Variants in FMN2 observed in about 807,000 individuals in gnomAD.
FMN2 encodes the protein formin 2, also known as formin-2.
Under a neutral mutation model 142.3 loss-of-function variants are expected in FMN2, and 51 were observed. The ratio of observed to expected loss-of-function variants is 0.36; its 90% CI spans 0.29 to 0.45. The LOEUF is 0.45. FMN2 is among the 20% of genes least tolerant of loss of function. The pLI is 1.00. For synonymous variants in FMN2, 882 were observed against 869.8 expected, an observed-to-expected ratio of 1.01 and a Z score of -0.25; for missense variants, 1,936 against 2,122.8, an observed-to-expected ratio of 0.91 and a Z score of 1.73.
intron 11 of FMN2, among the ~76,000 whole-genome samples, chr1:240,333,348 T>C (rs1184649577): frequency 6.6e-6 from 1 of 152,120 alleles, no homozygotes; most frequent in Non-Finnish European, 1.5e-5. Context: ...AATTATAATA[T>C]TGGAATTGTT....
Position 240,093,133 on chromosome 1 carries a change from G to T in FMN2, c.1024G>T (p.Ala342Ser), listed in dbSNP as rs1204292566. 42 of 1,410,074 alleles carry T rather than the reference G, an allele frequency of 3.0e-5. No individual in the cohort carries two copies. The highest frequency in any genetic ancestry group is 3.3e-5 in the Non-Finnish European group (36 of 1,090,798). 87.3% of individuals were successfully genotyped at this position (1,410,074 alleles called of 1,614,324 possible). A position where few individuals can be genotyped will look rare whatever the true frequency, so the allele number is the denominator to read the frequency against. The change falls in exon 1 of 18, where the codon GCT becomes TCT. Residue 342 changes from alanine (A) to serine (S), a missense_variant. Coordinates refer to ENST00000319653, the MANE Select transcript of FMN2 (RefSeq NM_020066.5). ...EEAAGAPVRG[A>S]GDTDEEGEED... ...AGCGGCCGGAGCCCCCGTGCGAGGG[G>T]CTGGGGACACGGATGAGGAGGGTGA...
At chr1:240,141,340 G>A (rs183107488) in intron 2 of FMN2, among the ~76,000 whole-genome samples, 13 of 132,198 alleles carry the variant, frequency 9.8e-5, no homozygotes, top group Non-Finnish European at 2.0e-4. Flanking sequence ...AACAGGCAAC[G>A]GTATTTTATT....
chr1:240,130,204 T>C (rs1265476657), intron 2 of FMN2, among the ~76,000 whole-genome samples: 1 of 152,242 alleles, frequency 6.6e-6, no homozygotes, highest in African/African-American at 2.4e-5. Flanking sequence ...AGATATATTC[T>C]GATTTTGCTT....
chr1:240,113,714 A>G (rs1023626079), intron 1 of FMN2, among the ~76,000 whole-genome samples: 1 of 152,150 alleles, frequency 6.6e-6, no homozygotes, highest in Non-Finnish European at 1.5e-5. Context: ...ATAAAAGTTC[A>G]TGTCTCTGTC....
At chr1:240,205,891 CTTTTTTT>C (rs57803350) in intron 4 of FMN2, among the ~76,000 whole-genome samples, 31,793 of 120,314 alleles carry the variant, frequency 0.26, 3,524 homozygotes, top group Middle Eastern at 0.45. Context: ...TATCAGCCAT[CTTTTTTT>C]TTTTTTTTTT....
intron 8 of FMN2, among the ~76,000 whole-genome samples, chr1:240,322,783 A>G (rs1671018494): frequency 6.6e-6 from 1 of 152,146 alleles, no homozygotes; most frequent in Non-Finnish European, 1.5e-5. Flanking sequence ...TGTGGCTGGC[A>G]CACACGTTCC....
chr1:240,298,571 T>C (rs1418110650), intron 8 of FMN2, among the ~76,000 whole-genome samples: 1 of 152,196 alleles, frequency 6.6e-6, no homozygotes, highest in African/African-American at 2.4e-5. Flanking sequence ...CAAGCATTAC[T>C]GCCTGAGCTC....
intron 15 of FMN2, among the ~76,000 whole-genome samples, chr1:240,412,014 A>G (rs1674412884): frequency 6.6e-6 from 1 of 152,190 alleles, no homozygotes; most frequent in Non-Finnish European, 1.5e-5. Flanking sequence ...TGATCACCTT[A>G]GGAGATGGTG....
At chr1:240,195,665 C>A (rs1326841673) in intron 4 of FMN2, among the ~76,000 whole-genome samples, 8 of 152,174 alleles carry the variant, frequency 5.3e-5, no homozygotes, top group Non-Finnish European at 1.2e-4. Flanking sequence ...TTGATGTTCA[C>A]AAAGACTTTA....
At chr1:240,387,814 G>A (rs546420597) in intron 14 of FMN2, among the ~76,000 whole-genome samples, 1 of 152,230 alleles carries the variant, frequency 6.6e-6, no homozygotes, top group South Asian at 2.1e-4. Context: ...TAATACTGAT[G>A]TGGGCATAAA....
At chr1:240,223,262 G>T (rs1469472005) in intron 6 of FMN2, among the ~76,000 whole-genome samples, 1 of 152,080 alleles carries the variant, frequency 6.6e-6, no homozygotes, top group Non-Finnish European at 1.5e-5. Flanking sequence ...TTTTGCACTG[G>T]TTCTGTTTAT....
intron 14 of FMN2, among the ~76,000 whole-genome samples, chr1:240,365,228 C>T (rs961180790): frequency 4.0e-5 from 2 of 49,412 alleles, no homozygotes; most frequent in East Asian, 5.2e-4. Context: ...CACAGACACA[C>T]ATATATATAC....
At chr1:240,327,330 C>T (rs897110720) in intron 8 of FMN2, among the ~76,000 whole-genome samples, 2 of 152,126 alleles carry the variant, frequency 1.3e-5, no homozygotes, top group African/African-American at 2.4e-5. Context: ...TTTTGAGACA[C>T]GTCTTTGTTA....
chr1:240,470,222 AAC>A (rs1676764925), intron 16 of FMN2, among the ~76,000 whole-genome samples: 1 of 151,904 alleles, frequency 6.6e-6, no homozygotes, highest in African/African-American at 2.4e-5. Context: ...AAAAAAAAAA[AAC>A]AGTTTCCTTA....
At chr1:240,436,676 C>CA (rs35630459) in intron 15 of FMN2, among the ~76,000 whole-genome samples, 110,943 of 135,780 alleles carry the variant, frequency 0.82, 44,311 homozygotes, top group East Asian at 0.92. Flanking sequence ...GACTCCGTCT[C>CA]AAAAAAAAAA....
intron 3 of FMN2, among the ~76,000 whole-genome samples, chr1:240,187,584 G>T (rs1248448426): frequency 6.6e-5 from 10 of 152,108 alleles, no homozygotes; most frequent in Admixed American, 6.6e-4. Context: ...TTGCACACAA[G>T]CTTCACTTAG....
intron 1 of FMN2, among the ~76,000 whole-genome samples, chr1:240,122,063 A>T (rs1417048528): frequency 3.5e-5 from 1 of 28,486 alleles, no homozygotes; most frequent in Non-Finnish European, 7.7e-5. Flanking sequence ...TTGGATCCAA[A>T]ATTAATTAAT....
chr1:240,330,874 C>A, intron 11 of FMN2, 125 bp downstream of exon 11: 1 of 1,169,676 alleles, frequency 8.5e-7, no homozygotes, highest in Non-Finnish European at 1.1e-6. Flanking sequence ...TCTTTATGTT[C>A]TGAGCTAGAA....
chr1:240,137,401 G>A (rs970311795), intron 2 of FMN2, among the ~76,000 whole-genome samples: 4 of 152,080 alleles, frequency 2.6e-5, no homozygotes, highest in African/African-American at 7.2e-5. Flanking sequence ...CGGACAATAC[G>A]CCACTAATAA....
Sources: gnomAD v4.1 joint callset for allele counts (sites outside exome capture counted in the v4.1 genomes callset) on GRCh38, gnomAD v4.1.1 for gene constraint, MANE v1.5 for transcripts, NCBI Gene and HGNC (gene_info 2026-07-23, HGNC 2026-07-21) for gene names.